Variants in ASTN2 observed in about 807,000 individuals in gnomAD.
ASTN2 encodes astrotactin 2.
In ASTN2, 54 loss-of-function variants were observed where a neutral mutation model predicts 139.8. That is an observed-to-expected ratio of 0.39 (90% CI 0.31 to 0.48). ASTN2 has a LOEUF of 0.48. Among genes scored for constraint, ASTN2 ranks in the 20% least tolerant of loss-of-function variants. The pLI, the probability that ASTN2 is intolerant of heterozygous loss-of-function variation, is 0.95. For synonymous variants in ASTN2, 756 were observed against 719.5 expected, an observed-to-expected ratio of 1.05 and a Z score of -0.81; for missense variants, 1,565 against 1,725.1, an observed-to-expected ratio of 0.91 and a Z score of 1.64.
chr9:116,710,470 C>CTGGTGTG (rs1828119636), intron 16 of ASTN2, among the ~76,000 whole-genome samples: 2 of 148,666 alleles, frequency 1.3e-5, no homozygotes, highest in Non-Finnish European at 3.0e-5. Flanking sequence ...TGAGCTCACG[C>CTGGTGTG]CTGTAATCAC....
chr9:116,641,113 G>A (rs2131892878), intron 17 of ASTN2, among the ~76,000 whole-genome samples: 1 of 152,324 alleles, frequency 6.6e-6, no homozygotes, highest in East Asian at 1.9e-4. Context: ...GGTTACAAAT[G>A]AGAAGTTACT....
At chr9:116,790,972 AAAG>A (rs1230450322) in intron 13 of ASTN2, among the ~76,000 whole-genome samples, 57 of 30,736 alleles carry the variant, frequency 1.9e-3, no homozygotes, top group South Asian at 2.9e-3. Context: ...AGAAGGAAAG[AAAG>A]AAAGAAAGAA....
chr9:116,976,821 G>C, intron 7 of ASTN2, 36 bp from the exon 8 acceptor site: 1 of 1,584,482 alleles, frequency 6.3e-7, no homozygotes, highest in Non-Finnish European at 8.7e-7. Flanking sequence ...TTGTTAAGTA[G>C]AGTCTCCCCA....
At chr9:116,923,458 C>T (rs1834668959) in intron 10 of ASTN2, among the ~76,000 whole-genome samples, 2 of 152,210 alleles carry the variant, frequency 1.3e-5, no homozygotes, top group Non-Finnish European at 2.9e-5. Context: ...TACAGTTGTC[C>T]TGGAAAAACC....
intron 4 of ASTN2, among the ~76,000 whole-genome samples, chr9:117,134,872 G>A (rs1829913481): frequency 6.6e-6 from 1 of 152,198 alleles, no homozygotes; most frequent in Admixed American, 6.5e-5. Flanking sequence ...AACATTGAGA[G>A]TGGATGTCTT....
chr9:117,037,188 C>G (rs909910616), intron 6 of ASTN2, among the ~76,000 whole-genome samples: 1 of 152,046 alleles, frequency 6.6e-6, no homozygotes, highest in Admixed American at 6.6e-5. Context: ...AGTCTAGAGG[C>G]AGAAACAGAC....
At chr9:116,773,940 T>A (rs989067973) in intron 13 of ASTN2, among the ~76,000 whole-genome samples, 2 of 152,230 alleles carry the variant, frequency 1.3e-5, no homozygotes, top group Non-Finnish European at 2.9e-5. Flanking sequence ...TTTCATAGTT[T>A]AAGAGAGAGG....
chr9:117,295,903 G>A (rs1291906910), intron 1 of ASTN2, among the ~76,000 whole-genome samples: 1 of 152,076 alleles, frequency 6.6e-6, no homozygotes, highest in East Asian at 1.9e-4. Flanking sequence ...AGAGGAGGAG[G>A]AGAAGGCATA....
chr9:117,078,557 A>C (rs1828340175), intron 5 of ASTN2, among the ~76,000 whole-genome samples: 1 of 152,184 alleles, frequency 6.6e-6, no homozygotes, highest in Non-Finnish European at 1.5e-5. Context: ...AGTTTATTTA[A>C]CCAGAGAAGA....
At chr9:117,301,694 C>A (rs1274881331) in intron 1 of ASTN2, among the ~76,000 whole-genome samples, 1 of 152,194 alleles carries the variant, frequency 6.6e-6, no homozygotes, top group Non-Finnish European at 1.5e-5. Flanking sequence ...CCAGGTCACT[C>A]AGGTGCTCTG....
chr9:116,820,903 C>A, intron 11 of ASTN2, 120 bp from the exon 12 acceptor site: 1 of 1,058,086 alleles, frequency 9.5e-7, no homozygotes, highest in Non-Finnish European at 1.3e-6. Flanking sequence ...ATTCAGTCTC[C>A]TTTTGTCAGT....
Position 116,699,943 on chromosome 9 carries a change from A to G in ASTN2, c.2806+25828T>C. ...CCCAAATAGGACACACGATGGTGTTAGCTGAAGTTTGATTAGCAATTAGGC... is the reference window on the plus strand; with the variant it reads ...CCCAAATAGGACACACGATGGTGTTGGCTGAAGTTTGATTAGCAATTAGGC... On this transcript the variant is annotated intron_variant, in intron 16 of 22. Transcript: ENST00000313400. This position sits in a 1 kb window ranked among gnomAD's most constrained non-coding sequence, Gnocchi z 4.2. 1 of 615,390 alleles carries G rather than the reference A, an allele frequency of 1.6e-6. No homozygotes were observed. Among genetic ancestry groups the G allele is most frequent in the South Asian group, 2.1e-5 (1 of 46,706 alleles). The allele number at this position is 615,390 out of a possible 1,614,324, so 38.1% of individuals were successfully genotyped here. A position where few individuals can be genotyped will look rare whatever the true frequency, so the allele number is the denominator to read the frequency against.
intron 5 of ASTN2, among the ~76,000 whole-genome samples, chr9:117,087,294 G>T (rs1049501439): frequency 6.6e-6 from 1 of 151,656 alleles, no homozygotes; most frequent in Non-Finnish European, 1.5e-5. Context: ...TAGTGCAGAG[G>T]TGCAATCATG....
At chr9:116,747,602 C>T (rs981469322) in intron 13 of ASTN2, among the ~76,000 whole-genome samples, 1 of 152,048 alleles carries the variant, frequency 6.6e-6, no homozygotes, top group Non-Finnish European at 1.5e-5. Context: ...GGCCATCTGC[C>T]TCCACTCTAC....
At chr9:117,256,193 C>A (rs1029734712) in intron 2 of ASTN2, among the ~76,000 whole-genome samples, 6 of 152,036 alleles carry the variant, frequency 3.9e-5, no homozygotes, top group African/African-American at 1.5e-4. Context: ...TCAGCCTCAC[C>A]CAGGACTCGC....
chr9:117,026,352 G>T (rs1483643137), intron 6 of ASTN2, among the ~76,000 whole-genome samples: 1 of 152,002 alleles, frequency 6.6e-6, no homozygotes, highest in Non-Finnish European at 1.5e-5. Flanking sequence ...ATGTACTCTG[G>T]CATTGGTGTT....
intron 19 of ASTN2, among the ~76,000 whole-genome samples, chr9:116,535,310 T>C (rs1310768843): frequency 1.3e-5 from 2 of 152,200 alleles, no homozygotes; most frequent in African/African-American, 4.8e-5. Context: ...CTTGACTCTT[T>C]GTCCAATTTG....
intron 17 of ASTN2, among the ~76,000 whole-genome samples, chr9:116,625,407 C>A (rs933229107): frequency 6.6e-6 from 1 of 152,144 alleles, no homozygotes; most frequent in Non-Finnish European, 1.5e-5. Context: ...GCACTCCAGC[C>A]TGGGCGACAG....
chr9:116,911,913 A>T (rs1834322369), intron 10 of ASTN2, among the ~76,000 whole-genome samples: 1 of 152,114 alleles, frequency 6.6e-6, no homozygotes, highest in African/African-American at 2.4e-5. Context: ...ACAAACAAAC[A>T]AACAAAACCT....
Sources: allele counts gnomAD v4.1 joint callset (sites outside exome capture counted in the v4.1 genomes callset), GRCh38; gene constraint gnomAD v4.1.1; non-coding constraint Gnocchi (gnomAD v3.1); transcripts MANE v1.5; gene names NCBI Gene and HGNC (gene_info 2026-07-23, HGNC 2026-07-21).